CHKB: variants seen among roughly 807,000 people sequenced by gnomAD.
CHKB encodes choline kinase beta.
Under a neutral mutation model 57.3 loss-of-function variants are expected in CHKB, and 45 were observed. The ratio of observed to expected loss-of-function variants is 0.79; its 90% CI spans 0.62 to 1.01. The LOEUF (loss-of-function observed/expected upper bound fraction) is 1.01, where lower values mean the gene tolerates loss of function less well. Among genes scored for constraint, CHKB ranks in the 50% least tolerant of loss-of-function variants. CHKB has a pLI of 0.00. For synonymous variants in CHKB, 224 were observed against 201.8 expected, an observed-to-expected ratio of 1.11 and a Z score of -0.93; for missense variants, 517 against 502.8, an observed-to-expected ratio of 1.03 and a Z score of -0.27.
In CHKB at chr22:50,580,594, G is replaced by T; in HGVS notation, c.648C>A (p.Tyr216Ter). 1 of 1,614,130 alleles carries T rather than the reference G, an allele frequency of 6.2e-7. No individual in the cohort carries two copies. The highest frequency in any genetic ancestry group is 8.5e-7 in the Non-Finnish European group (1 of 1,180,010). ...GLPEMNLLEM[Y>*]SLKDEMGNLR... ...GGTTGCCCATCTCATCCTTCAGGCT[G>T]TACATCTCCAGCAGGTTCATCTCAG... is the stretch of plus-strand genomic sequence containing the variant. Residue 216 changes from tyrosine to a stop codon, truncating the protein, a stop_gained, in exon 5 of 11, where the codon TAC (tyrosine) becomes TAA (stop). Coordinates refer to ENST00000406938, the MANE Select transcript of CHKB (RefSeq NM_005198.5). LOFTEE classifies it high-confidence loss of function.
In CHKB at chr22:50,579,993, T is replaced by C. The variant is rs143061031; in HGVS notation, c.908A>G (p.Tyr303Cys). The change falls in exon 8 of 11, where the codon TAC becomes TGC. Residue 303 changes from tyrosine (Y) to cysteine (C), a missense_variant. Coordinates refer to ENST00000406938, the MANE Select transcript of CHKB (RefSeq NM_005198.5). The part of the protein sequence containing the change: ...WPFYKARPTD[Y>C]PTQEQQLHFI... ...ACATACCTGCTGTTCTTGAGTGGGG[T>C]AGTCTGTGGGCCTTGCTTTGTAGAA... is the stretch of plus-strand genomic sequence containing the variant. 1.2e-4 allele frequency: 199 copies of C among 1,613,798 alleles called. No individual in the cohort carries two copies. Among genetic ancestry groups the C allele is most frequent in the Non-Finnish European group, 1.6e-4 (193 of 1,179,958 alleles).
intron 2 of CHKB, 104 bp downstream of exon 2, chr22:50,582,145 T>C (rs1603443765): frequency 9.3e-7 from 1 of 1,076,172 alleles, no homozygotes; most frequent in East Asian, 2.6e-5. Context: ...ACTCAGACCG[T>C]GAACCTCGGT....
intron 4 of CHKB, 24 bp from the exon 5 acceptor site, chr22:50,580,684 A>G (rs75187587): frequency 2.6e-4 from 416 of 1,607,392 alleles, no homozygotes; most frequent in Non-Finnish European, 3.4e-4. Context: ...AATAGGATAC[A>G]CTGGCTCTGC....
At position 50,579,287 on chromosome 22, in the gene CHKB, G is replaced by A. The variant is rs375459778; in HGVS notation, c.1114-32C>T. On this transcript the variant is annotated intron_variant, in intron 10 of 10. Transcript: ENST00000406938. ...AAGGAAACCCACCCCACACAGTGGT[G>A]AGAAGACGTGGGACCAGCATTCTAC... The A allele has an allele frequency of 1.9e-6, 3 of 1,608,726 alleles. No individual in the cohort carries two copies. The African/African-American group carries it at 4.0e-5, about 22-fold the overall frequency.
Position 50,582,812 on chromosome 22 carries a change from C to A in CHKB, c.-31G>T, listed in dbSNP as rs916069982. 2.0e-6 allele frequency: 3 copies of A among 1,532,060 alleles called. No individual in the cohort carries two copies. Among genetic ancestry groups the A allele is most frequent in the Admixed American group, 2.0e-5 (1 of 50,696 alleles). 94.9% of individuals were successfully genotyped at this position (1,532,060 alleles called of 1,614,324 possible). A position where few individuals can be genotyped will look rare whatever the true frequency, so the allele number is the denominator to read the frequency against. On this transcript the variant is annotated 5_prime_UTR_variant, in exon 1 of 11. Transcript: ENST00000406938. ...GGGCTCGACCGGGCCCCAGGCCAGG[C>A]TGCGCTCCGCTCCCTTCGGACGGGC...
At chr22:50,582,200 G>C in intron 2 of CHKB, 49 bp downstream of exon 2, 1 of 1,485,294 alleles carries the variant, frequency 6.7e-7, no homozygotes. Context: ...CATCGCGTAA[G>C]CGACAGGCCC....
chr22:50,579,275 C>A lies in CHKB; in HGVS notation c.1114-20G>T. 1 of 1,612,368 alleles carries A rather than the reference C, an allele frequency of 6.2e-7. No individual in the cohort carries two copies. Among genetic ancestry groups the A allele is most frequent in the South Asian group, 1.1e-5 (1 of 90,864 alleles). On this transcript the variant is annotated intron_variant, in intron 10 of 10. Transcript: ENST00000406938. ...ATAGTCCTAGGGAAGGAAACCCACC[C>A]CACACAGTGGTGAGAAGACGTGGGA...
At position 50,582,293 on chromosome 22, in the gene CHKB, C is replaced by T. The variant is rs766423227; in HGVS notation, c.289G>A (p.Glu97Lys). The T allele has an allele frequency of 3.1e-6, 5 of 1,594,732 alleles. No individual in the cohort carries two copies. In the East Asian group the frequency reaches 9.1e-5, roughly 29 times the overall value. Residue 97 changes from glutamate to lysine, a missense_variant, in exon 2 of 11, where the codon GAG becomes AAG. Glu to Lys is a moderately conservative substitution (Grantham distance 56, BLOSUM62 1). Coordinates refer to ENST00000406938, the MANE Select transcript of CHKB (RefSeq NM_005198.5). Reference protein sequence around the residue: ...LPDHLPSVGEEPREVLLRLYG... With the variant: ...LPDHLPSVGEKPREVLLRLYG... ...AGCCGCAGAAGCACCTCCCGGGGCT[C>T]CTCGCCAACGCTGGGCAGGTGGTCC...
chr22:50,581,057 A>T (rs1311934999), intron 4 of CHKB, among the ~76,000 whole-genome samples: 1 of 152,038 alleles, frequency 6.6e-6, no homozygotes, highest in Non-Finnish European at 1.5e-5. Flanking sequence ...CTAGGATTAC[A>T]GGCATGAGCC....
At chr22:50,582,173 G>A in intron 2 of CHKB, 76 bp downstream of exon 2, 3 of 1,337,964 alleles carry the variant, frequency 2.2e-6, no homozygotes, top group Non-Finnish European at 3.1e-6. Flanking sequence ...ACTGCGCAAC[G>A]GGAACAATAC....
rs1015463711 is a variant in CHKB, at chr22:50,580,667, C to T, written c.582-7G>A. 1 of 1,613,732 alleles carries T rather than the reference C, an allele frequency of 6.2e-7. No individual in the cohort carries two copies. The highest frequency in any genetic ancestry group is 1.6e-4 in the Middle Eastern group (1 of 6,062). The stretch of plus-strand genomic sequence containing the variant: ...CTGGATCTGTTTTAGGTACCTGAAG[C>T]CCAAAGAATAGGATACACTGGCTCT... On this transcript the variant is annotated splice_region_variant and splice_polypyrimidine_tract_variant and intron_variant, in intron 4 of 10. Transcript: ENST00000406938.
At position 50,582,632 on chromosome 22, in the gene CHKB, G is replaced by A. The variant is rs1252318649; in HGVS notation, c.150C>T (p.Tyr50=). 1.2e-6 allele frequency: 2 copies of A among 1,611,354 alleles called. No homozygotes were observed. Among genetic ancestry groups the A allele is most frequent in the East Asian group, 2.2e-5 (1 of 44,830 alleles). ...CGCCCAAGTACTCCCGGCACCATTG[G>A]TAGGCTCGGCGCTCGGCGTCACGCG... ...SLSRDAERRA[Y]QWCREYLGGA... Residue 50 remains tyrosine, a synonymous_variant, in exon 1 of 11, where the codon TAC becomes TAT. Coordinates refer to ENST00000406938, the MANE Select transcript of CHKB (RefSeq NM_005198.5).
chr22:50,582,214 A>G (rs1158309291), intron 2 of CHKB, 35 bp downstream of exon 2: 2 of 1,533,688 alleles, frequency 1.3e-6, no homozygotes. Flanking sequence ...CAGGCCCTAA[A>G]GCCACTGGTG....
rs1437536669 is a variant in CHKB at position 50,581,874 on chromosome 22, T to C, written c.334-12A>G. 2 of 1,612,952 alleles carry C rather than the reference T, an allele frequency of 1.2e-6. No individual in the cohort carries two copies. Among genetic ancestry groups the C allele is most frequent in the South Asian group, 1.1e-5 (1 of 91,066 alleles). On this transcript the variant is annotated splice_polypyrimidine_tract_variant and intron_variant, in intron 2 of 10. Transcript: ENST00000406938. The stretch of plus-strand genomic sequence containing the variant: ...AGGGAGTCCACGCCCTGAAAAAGGA[T>C]GGACAGCAAAGGGGCCAAGGCAAAG...
intron 2 of CHKB, 74 bp downstream of exon 2, chr22:50,582,175 G>T: frequency 3.0e-6 from 4 of 1,355,040 alleles, no homozygotes; most frequent in Non-Finnish European, 4.1e-6. Context: ...TGCGCAACGG[G>T]AACAATACTA....
At position 50,582,549 on chromosome 22, in the gene CHKB, A is replaced by C; in HGVS notation, c.224+9T>G. Reference sequence around the variant, plus strand: ...CGCGCACCGGAGAGGCTGACCCCTGACCTCCCACCTCACGGGGTAAACCCT... The same window carrying C: ...CGCGCACCGGAGAGGCTGACCCCTGCCCTCCCACCTCACGGGGTAAACCCT... On this transcript the variant is annotated intron_variant, in intron 1 of 10. Coordinates refer to ENST00000406938, the MANE Select transcript of CHKB (RefSeq NM_005198.5). 6.2e-7 allele frequency: 1 copy of C among 1,603,200 alleles called. No individual in the cohort carries two copies. Among genetic ancestry groups the C allele is most frequent in the Non-Finnish European group, 8.5e-7 (1 of 1,175,944 alleles).
chr22:50,581,029 C>T (rs2070680395), intron 4 of CHKB, among the ~76,000 whole-genome samples: 1 of 152,198 alleles, frequency 6.6e-6, no homozygotes, highest in Non-Finnish European at 1.5e-5. Flanking sequence ...AATCTGCTCA[C>T]CTCAGCCTCC....
chr22:50,582,053 C>T, intron 2 of CHKB, 191 bp from the exon 3 acceptor site: 1 of 768,604 alleles, frequency 1.3e-6, no homozygotes. Context: ...TGGTCTCGAA[C>T]TCCTGTGCTC....
In CHKB at chr22:50,580,263, A is replaced by G. The variant is rs760310819; in HGVS notation, c.745T>C (p.Leu249=). 9 of 1,613,918 alleles carry G rather than the reference A, an allele frequency of 5.6e-6. No individual in the cohort carries two copies. The African/African-American group carries it at 9.3e-5, about 17-fold the overall frequency. Reference sequence around the variant, plus strand: ...GCATTTTCTGGCTCTGAGAGCAGCAAGATGTTCCCTGGGGGAATGGGGTGA... The same window carrying G: ...GCATTTTCTGGCTCTGAGAGCAGCAGGATGTTCCCTGGGGGAATGGGGTGA... ...CHNDIQEGNI[L]LLSEPENADS... Residue 249 remains leucine, a synonymous_variant, in exon 7 of 11, where the codon TTG becomes CTG. Transcript: ENST00000406938.
Sources: gnomAD v4.1 joint callset for allele counts (sites outside exome capture counted in the v4.1 genomes callset) on GRCh38, gnomAD v4.1.1 for gene constraint, MANE v1.5 for transcripts, NCBI Gene and HGNC (gene_info 2026-07-23, HGNC 2026-07-21) for gene names.